The following PRKACB variants were observed in gnomAD, a reference collection of about 807,000 sequenced individuals.
PRKACB encodes protein kinase cAMP-activated catalytic subunit beta, also known as cAMP-dependent protein kinase catalytic subunit beta.
In PRKACB, 16 loss-of-function variants were observed where a neutral mutation model predicts 51.4. The observed-to-expected ratio is 0.31, with a 90% CI of 0.21 to 0.47. The LOEUF (loss-of-function observed/expected upper bound fraction) is 0.47, where lower values mean the gene tolerates loss of function less well. Ranked by LOEUF, PRKACB falls within the 20% of genes least tolerant of loss-of-function variation. The pLI is 1.00. For synonymous variants in PRKACB, 147 were observed against 154.4 expected (o/e 0.95, Z 0.35); for missense variants, 309 against 464.5 (o/e 0.67, Z 3.08).
At chr1:84,094,741 CAATT>C (rs1557918558) in intron 1 of PRKACB, among the ~76,000 whole-genome samples, 2 of 151,850 alleles carry the variant, frequency 1.3e-5, no homozygotes, top group Admixed American at 6.6e-5. Flanking sequence ...CACACTAAGA[CAATT>C]AATTCACACT....
At chr1:84,227,644 G>T (rs1056328949) in intron 9 of PRKACB, among the ~76,000 whole-genome samples, 8 of 152,116 alleles carry the variant, frequency 5.3e-5, no homozygotes, top group Non-Finnish European at 1.2e-4. Flanking sequence ...ACTTATCCCA[G>T]GTAGTAAACA....
chr1:84,154,561 T>C (rs1655222741), intron 1 of PRKACB, among the ~76,000 whole-genome samples: 1 of 152,086 alleles, frequency 6.6e-6, no homozygotes, highest in Admixed American at 6.6e-5. Context: ...TCCAAGCTCA[T>C]TTACCAGGGC....
intron 1 of PRKACB, among the ~76,000 whole-genome samples, chr1:84,082,860 G>A (rs1384905685): frequency 6.6e-6 from 1 of 152,166 alleles, no homozygotes; most frequent in African/African-American, 2.4e-5. Flanking sequence ...CCATCTTTCT[G>A]TCATCTTGGT....
chr1:84,200,697 C>G (rs1485396168), intron 7 of PRKACB, among the ~76,000 whole-genome samples: 1 of 152,114 alleles, frequency 6.6e-6, no homozygotes, highest in Non-Finnish European at 1.5e-5. Flanking sequence ...CAGTCTTTTG[C>G]ATGTGGCTAG....
intron 1 of PRKACB, among the ~76,000 whole-genome samples, chr1:84,150,910 A>C (rs926855471): frequency 6.6e-6 from 1 of 152,218 alleles, no homozygotes; most frequent in Admixed American, 6.5e-5. Flanking sequence ...TTGACACTGG[A>C]AAGTTTATTT....
At chr1:84,146,606 G>T (rs551763655) in intron 1 of PRKACB, among the ~76,000 whole-genome samples, 8 of 152,046 alleles carry the variant, frequency 5.3e-5, no homozygotes, top group African/African-American at 1.7e-4. Context: ...TTTGACAAGG[G>T]AATGTAATGT....
chr1:84,200,198 C>T (rs1453640090), intron 7 of PRKACB, among the ~76,000 whole-genome samples: 33 of 152,052 alleles, frequency 2.2e-4, no homozygotes, highest in Admixed American at 2.2e-3. Flanking sequence ...AATGGTATCT[C>T]ATTGTGGTTT....
chr1:84,126,761 T>C (rs6661492), intron 1 of PRKACB, among the ~76,000 whole-genome samples: 72,444 of 151,930 alleles, frequency 0.48, 17,941 homozygotes, highest in Non-Finnish European at 0.56. Flanking sequence ...CACTACTTAT[T>C]CACATGCTCA....
At chr1:84,232,981 G>A (rs1675988625) in intron 9 of PRKACB, among the ~76,000 whole-genome samples, 3 of 151,414 alleles carry the variant, frequency 2.0e-5, no homozygotes, top group African/African-American at 7.3e-5. Context: ...TATTTTGCTC[G>A]TTAGTTGATG....
intron 4 of PRKACB, 31 bp from the exon 5 acceptor site, chr1:84,185,069 A>G: frequency 7.6e-7 from 1 of 1,320,322 alleles, no homozygotes; most frequent in Non-Finnish European, 1.0e-6. Context: ...CCTAAGTTGA[A>G]TAATTGTATT....
At position 84,116,100 on chromosome 1, in the gene PRKACB, G is replaced by C. The variant is rs763736768; in HGVS notation, c.46+37729G>C. On this transcript the variant is annotated intron_variant, in intron 1 of 8. Transcript: ENST00000370688. Reference sequence around the variant, plus strand: ...AGTTTTCCCAGGACCATTTATTGAAGAGAGTGTCTTTTCCCCAGTGGAAGC... The same window carrying C: ...AGTTTTCCCAGGACCATTTATTGAACAGAGTGTCTTTTCCCCAGTGGAAGC... 5.9e-5 allele frequency among the ~76,000 whole-genome samples: 9 copies of C among 152,000 alleles called. 1 individual carries two copies. The highest frequency in any genetic ancestry group is 1.2e-4 in the Non-Finnish European group (8 of 67,982).
intron 1 of PRKACB, chr1:84,085,981 G>C (rs143120908): frequency 2.8e-6 from 2 of 715,128 alleles, no homozygotes; most frequent in Non-Finnish European, 5.1e-6. Context: ...CAGTGCTTGT[G>C]GATTTCCACG....
At chr1:84,220,883 G>A (rs1673600443) in intron 9 of PRKACB, among the ~76,000 whole-genome samples, 1 of 152,108 alleles carries the variant, frequency 6.6e-6, no homozygotes, top group Admixed American at 6.6e-5. Context: ...ATTTCTCAGA[G>A]ATGTTGGTCT....
chr1:84,196,506 C>A (rs186169988), intron 5 of PRKACB, 110 bp from the exon 6 acceptor site: 3 of 1,084,838 alleles, frequency 2.8e-6, no homozygotes, highest in East Asian at 5.4e-5. Flanking sequence ...TAAAAAAATA[C>A]TTTTTGTTCC....
intron 9 of PRKACB, among the ~76,000 whole-genome samples, chr1:84,216,568 A>T (rs1372949811): frequency 6.6e-6 from 1 of 152,172 alleles, no homozygotes; most frequent in Non-Finnish European, 1.5e-5. Flanking sequence ...ACTTTAAAAT[A>T]GATTTAGATC....
chr1:84,163,241 C>T (rs1656471587), intron 1 of PRKACB, among the ~76,000 whole-genome samples: 1 of 151,938 alleles, frequency 6.6e-6, no homozygotes, highest in Non-Finnish European at 1.5e-5. Flanking sequence ...GGCCCTCTTT[C>T]GTGTCCTTTG....
intron 1 of PRKACB, among the ~76,000 whole-genome samples, chr1:84,158,861 A>G (rs1440700279): frequency 6.6e-6 from 1 of 152,010 alleles, no homozygotes; most frequent in South Asian, 2.1e-4. Flanking sequence ...ATGTAGATCC[A>G]TTTTTTACTG....
At chr1:84,127,335 G>A (rs1467866469) in intron 1 of PRKACB, among the ~76,000 whole-genome samples, 2 of 151,970 alleles carry the variant, frequency 1.3e-5, no homozygotes, top group Non-Finnish European at 2.9e-5. Context: ...ATTTTCCCCT[G>A]CTCCTTAAAA....
At chr1:84,217,584 A>C (rs1418858227) in intron 9 of PRKACB, among the ~76,000 whole-genome samples, 2 of 152,210 alleles carry the variant, frequency 1.3e-5, no homozygotes, top group Non-Finnish European at 2.9e-5. Flanking sequence ...CACTTGAGCC[A>C]AGAGTTCAAG....
Sources: allele counts gnomAD v4.1 joint callset (sites outside exome capture counted in the v4.1 genomes callset), GRCh38; gene constraint gnomAD v4.1.1; transcripts MANE v1.5; gene names NCBI Gene and HGNC (gene_info 2026-07-23, HGNC 2026-07-21).